Variants in MROH9 observed in about 807,000 individuals in gnomAD.
The protein encoded by MROH9 is maestro heat like repeat family member 9.
Under a neutral mutation model 98.2 loss-of-function variants are expected in MROH9, and 92 were observed. That is an observed-to-expected ratio of 0.94 (90% CI 0.79 to 1.11). The LOEUF (loss-of-function observed/expected upper bound fraction) is 1.11, where lower values mean the gene tolerates loss of function less well. Ranked by LOEUF, MROH9 falls within the 50% of genes most tolerant of loss-of-function variation. The pLI is 0.00. For missense variants in MROH9, 1,057 were observed against 1,014.8 expected, an observed-to-expected ratio of 1.04 and a Z score of -0.57; for synonymous variants, 397 against 368.9, an observed-to-expected ratio of 1.08 and a Z score of -0.87.
chr1:171,037,605 C>A (rs761485608), intron 20 of MROH9, among the ~76,000 whole-genome samples: 1 of 151,736 alleles, frequency 6.6e-6, no homozygotes, highest in Non-Finnish European at 1.5e-5. Context: ...ACATTGCTTG[C>A]TGATTCTAAA....
intron 20 of MROH9, among the ~76,000 whole-genome samples, chr1:171,045,878 C>T (rs188999033): frequency 7.2e-4 from 109 of 152,220 alleles, no homozygotes; most frequent in Non-Finnish European, 1.1e-3. Context: ...CTTTGCAATG[C>T]TAAAAGTGGG....
intron 4 of MROH9, among the ~76,000 whole-genome samples, chr1:170,958,808 A>G (rs1335422245): frequency 6.6e-6 from 1 of 152,156 alleles, no homozygotes; most frequent in Non-Finnish European, 1.5e-5. Context: ...TGTGAAAAAC[A>G]TATTATCATT....
At chr1:171,044,972 C>T (rs1426426488) in intron 20 of MROH9, among the ~76,000 whole-genome samples, 29 of 45,712 alleles carry the variant, frequency 6.3e-4, no homozygotes, top group Admixed American at 1.3e-3. Flanking sequence ...CTGCTCTGAT[C>T]TTTTTTTTTT....
intron 20 of MROH9, among the ~76,000 whole-genome samples, chr1:171,028,767 A>G (rs921352725): frequency 1.3e-5 from 2 of 151,632 alleles, no homozygotes; most frequent in African/African-American, 4.8e-5. Flanking sequence ...GTATTCCTAG[A>G]TTTTATTTTC....
At chr1:170,951,985 A>G (rs1649569850) in intron 3 of MROH9, among the ~76,000 whole-genome samples, 1 of 151,300 alleles carries the variant, frequency 6.6e-6, no homozygotes, top group Non-Finnish European at 1.5e-5. Context: ...TGCAGCCAAA[A>G]GACACATGAA....
chr1:170,951,037 T>G (rs1571441400), intron 3 of MROH9, among the ~76,000 whole-genome samples: 2 of 152,186 alleles, frequency 1.3e-5, no homozygotes, highest in East Asian at 3.9e-4. Context: ...AATTGAAAGA[T>G]GTCTTCCTAT....
chr1:171,022,195 G>A (rs1462005000), intron 17 of MROH9, among the ~76,000 whole-genome samples: 4 of 152,048 alleles, frequency 2.6e-5, no homozygotes, highest in South Asian at 2.1e-4. Flanking sequence ...ATGGTGATTC[G>A]TCAAGGATCT....
intron 20 of MROH9, among the ~76,000 whole-genome samples, chr1:171,032,800 C>T (rs1241439482): frequency 3.3e-5 from 5 of 152,168 alleles, no homozygotes; most frequent in African/African-American, 7.2e-5. Flanking sequence ...TTTGTCCCTT[C>T]GCAGAGGGGG....
intron 7 of MROH9, among the ~76,000 whole-genome samples, chr1:170,969,938 A>G (rs1401476581): frequency 6.6e-6 from 1 of 152,158 alleles, no homozygotes; most frequent in East Asian, 1.9e-4. Flanking sequence ...GATATACATC[A>G]GTGTGCTCCA....
intron 11 of MROH9, among the ~76,000 whole-genome samples, chr1:170,991,400 A>G (rs1371671836): frequency 6.6e-6 from 1 of 152,166 alleles, no homozygotes; most frequent in African/African-American, 2.4e-5. Context: ...TGGGTGCTAC[A>G]GAGCTGGGTA....
intron 17 of MROH9, among the ~76,000 whole-genome samples, chr1:171,017,322 G>C (rs1029967491): frequency 6.6e-6 from 1 of 152,194 alleles, no homozygotes; most frequent in Non-Finnish European, 1.5e-5. Flanking sequence ...GTGGTGTGGA[G>C]GCCTACCTGA....
chr1:171,025,634 A>C (rs191802861), intron 20 of MROH9, among the ~76,000 whole-genome samples: 50 of 152,312 alleles, frequency 3.3e-4, no homozygotes, highest in African/African-American at 1.2e-3. Flanking sequence ...ATTATGCAAA[A>C]TGTGTTCAGC....
At chr1:171,012,965 T>C (rs1439801039) in intron 15 of MROH9, among the ~76,000 whole-genome samples, 4 of 152,132 alleles carry the variant, frequency 2.6e-5, no homozygotes, top group Non-Finnish European at 5.9e-5. Flanking sequence ...CTTCCATACT[T>C]GCCCTCAAGC....
chr1:171,056,657 C>A (rs1381852498), intron 20 of MROH9, among the ~76,000 whole-genome samples: 1 of 152,174 alleles, frequency 6.6e-6, no homozygotes, highest in Non-Finnish European at 1.5e-5. Flanking sequence ...GGGTCCTGTT[C>A]CCCATGCCAC....
At chr1:170,959,866 T>C (rs929635825) in intron 5 of MROH9, among the ~76,000 whole-genome samples, 1 of 152,204 alleles carries the variant, frequency 6.6e-6, no homozygotes, top group Non-Finnish European at 1.5e-5. Context: ...TGCTGGCAAG[T>C]GCTTCAAAGA....
At chr1:171,048,730 G>T (rs932885708) in intron 20 of MROH9, among the ~76,000 whole-genome samples, 1 of 152,070 alleles carries the variant, frequency 6.6e-6, no homozygotes, top group Non-Finnish European at 1.5e-5. Flanking sequence ...TTGTCCCATA[G>T]CCACCACAGC....
chr1:170,967,468 G>A (rs932933443), intron 7 of MROH9, among the ~76,000 whole-genome samples: 5 of 152,104 alleles, frequency 3.3e-5, no homozygotes, highest in Admixed American at 2.6e-4. Flanking sequence ...GATTCCCACA[G>A]CCCTAGTCTG....
chr1:170,994,621 A>G (rs1651487985), intron 12 of MROH9, among the ~76,000 whole-genome samples: 1 of 151,272 alleles, frequency 6.6e-6, no homozygotes, highest in Admixed American at 6.6e-5. Context: ...CAATCCAATT[A>G]CACTCTTTAT....
At chr1:171,050,155 C>CT (rs1274032077) in intron 20 of MROH9, among the ~76,000 whole-genome samples, 3 of 152,080 alleles carry the variant, frequency 2.0e-5, no homozygotes, top group Non-Finnish European at 2.9e-5. Context: ...CATTTGTCTG[C>CT]TTTTGTTTTT....
Sources: allele counts gnomAD v4.1 joint callset (sites outside exome capture counted in the v4.1 genomes callset), GRCh38; gene constraint gnomAD v4.1.1; transcripts MANE v1.5; gene names NCBI Gene and HGNC (gene_info 2026-07-23, HGNC 2026-07-21).